The following ARHGEF9 variants were observed in gnomAD, a reference collection of about 807,000 sequenced individuals.
ARHGEF9 encodes rho guanine nucleotide exchange factor 9.
In ARHGEF9, 2 loss-of-function variants were observed where a neutral mutation model predicts 41.3. That is an observed-to-expected ratio of 0.05 (90% CI 0.02 to 0.15). The LOEUF (loss-of-function observed/expected upper bound fraction) is 0.15, where lower values mean the gene tolerates loss of function less well. ARHGEF9 is among the 10% of genes least tolerant of loss of function. The pLI is 1.00. For synonymous variants in ARHGEF9, 160 were observed against 154.4 expected (o/e 1.04, Z -0.27); for missense variants, 225 against 424.7 (o/e 0.53, Z 4.13).
intron 1 of ARHGEF9, among the ~76,000 whole-genome samples, chrX:63,769,182 A>C (rs1175709140): frequency 8.9e-6 from 1 of 112,018 alleles, no homozygotes; most frequent in Non-Finnish European, 1.9e-5. Flanking sequence ...GGTCTCAGAT[A>C]AACATAAGGA....
At chrX:63,778,147 A>C (rs1164272954) in intron 1 of ARHGEF9, among the ~76,000 whole-genome samples, 2 of 112,200 alleles carry the variant, frequency 1.8e-5, no homozygotes, top group Non-Finnish European at 3.8e-5. Flanking sequence ...ATTTCCATAC[A>C]TCCTCTGAAA....
At chrX:63,710,346 T>C (rs1270152989) in intron 2 of ARHGEF9, among the ~76,000 whole-genome samples, 1 of 100,444 alleles carries the variant, frequency 1.0e-5, no homozygotes, top group Non-Finnish European at 2.0e-5. Flanking sequence ...GCTTCACTGG[T>C]GAATTCTACC....
At chrX:63,752,264 C>CT (rs781871921) in intron 1 of ARHGEF9, among the ~76,000 whole-genome samples, 3 of 99,653 alleles carry the variant, frequency 3.0e-5, no homozygotes, top group Non-Finnish European at 4.0e-5. Flanking sequence ...TGGAAGTCAC[C>CT]TAGTGGAGCC....
chrX:63,668,132 C>T (rs1177746468), intron 6 of ARHGEF9, among the ~76,000 whole-genome samples: 1 of 109,958 alleles, frequency 9.1e-6, no homozygotes, highest in Non-Finnish European at 1.9e-5. Context: ...CTCAATTCTA[C>T]ATTTTTTTTT....
intron 1 of ARHGEF9, among the ~76,000 whole-genome samples, chrX:63,757,850 A>G (rs1174469048): frequency 8.9e-6 from 1 of 112,314 alleles, no homozygotes; most frequent in African/African-American, 3.2e-5. Flanking sequence ...GCCTTCCTAT[A>G]TTGCTGAAAA....
chrX:63,722,760 A>G (rs1556414489), intron 2 of ARHGEF9: 1 of 111,731 alleles, frequency 9.0e-6, no homozygotes, highest in Non-Finnish European at 1.9e-5. Flanking sequence ...CACAAGACAT[A>G]CCAGCTGTAT....
chrX:63,668,366 G>A (rs148929072), intron 6 of ARHGEF9, among the ~76,000 whole-genome samples: 2,304 of 110,905 alleles, frequency 0.021, 57 homozygotes, highest in African/African-American at 0.071. Flanking sequence ...TCAAACTCCT[G>A]ACCTCAAGCG....
At chrX:63,754,947 C>CA (rs2055872433) in intron 1 of ARHGEF9, 1 of 937,718 alleles carries the variant, frequency 1.1e-6, no homozygotes, top group African/African-American at 2.1e-5. Flanking sequence ...GGCGCCTGCT[C>CA]AGTCTGTCCG....
chrX:63,717,655 T>C (rs1277447279), intron 2 of ARHGEF9, among the ~76,000 whole-genome samples: 41 of 111,748 alleles, frequency 3.7e-4, no homozygotes, highest in African/African-American at 1.3e-3. Flanking sequence ...CAGGGAAAAA[T>C]GAGGACATTA....
chrX:63,740,955 C>T (rs1220522139), intron 1 of ARHGEF9, among the ~76,000 whole-genome samples: 18 of 112,421 alleles, frequency 1.6e-4, no homozygotes, highest in Admixed American at 6.5e-4. Context: ...CCACCACTAA[C>T]CCAGGAGAGG....
intron 1 of ARHGEF9, among the ~76,000 whole-genome samples, chrX:63,729,194 C>A (rs1278357773): frequency 9.0e-6 from 1 of 111,086 alleles, no homozygotes. Context: ...GCAGGACATG[C>A]AGGTGGGTGG....
intron 4 of ARHGEF9, among the ~76,000 whole-genome samples, chrX:63,690,182 A>G (rs1237765995): frequency 8.9e-6 from 1 of 111,891 alleles, no homozygotes; most frequent in Non-Finnish European, 1.9e-5. Context: ...AGGCTGAAAA[A>G]TACAAAAGAT....
At chrX:63,659,610 G>A (rs1267717868) in intron 7 of ARHGEF9, among the ~76,000 whole-genome samples, 18 of 111,062 alleles carry the variant, frequency 1.6e-4, no homozygotes, top group Non-Finnish European at 2.3e-4. Flanking sequence ...TTTATAGAGG[G>A]GACCCTAGTT....
intron 7 of ARHGEF9, among the ~76,000 whole-genome samples, chrX:63,664,037 G>A (rs1443407429): frequency 6.3e-5 from 7 of 111,800 alleles, no homozygotes; most frequent in Non-Finnish European, 1.3e-4. Flanking sequence ...CCCTTCTGTG[G>A]GAAGCTATGA....
chrX:63,654,078 GT>G (rs782508622), intron 8 of ARHGEF9, among the ~76,000 whole-genome samples: 2,452 of 89,215 alleles, frequency 0.027, 70 homozygotes, highest in African/African-American at 0.091. Flanking sequence ...ATGTTCATGT[GT>G]TTTTTTTTTT....
At chrX:63,759,733 C>T (rs1217293396) in intron 1 of ARHGEF9, among the ~76,000 whole-genome samples, 3 of 112,175 alleles carry the variant, frequency 2.7e-5, no homozygotes, top group African/African-American at 9.7e-5. Context: ...CCTGTACATA[C>T]ATAAACTCTT....
intron 1 of ARHGEF9, among the ~76,000 whole-genome samples, chrX:63,749,961 G>A (rs1328073253): frequency 8.9e-6 from 1 of 112,087 alleles, no homozygotes; most frequent in East Asian, 2.8e-4. Context: ...CTTCATCAAG[G>A]ATTCTTGGAA....
rs781866938 is a variant in ARHGEF9 at position 63,765,575 on chromosome X, T to C, written c.30+19541A>G. The stretch of plus-strand genomic sequence containing the variant: ...AGGGGTAGTGGTGGGGGTGGGGTGG[T>C]TCATCATTCCCATTTTCCAGAAGGG... On this transcript the variant is annotated intron_variant, in intron 1 of 9. Coordinates refer to ENST00000671741, the MANE Select transcript of ARHGEF9 (RefSeq NM_001353921.2). Among the ~76,000 whole-genome samples, 3 of 110,853 alleles carry C rather than the reference T, an allele frequency of 2.7e-5. No homozygotes were observed. In the East Asian group the frequency reaches 8.5e-4, roughly 31 times the overall value.
At chrX:63,682,057 T>C (rs1200802166) in intron 4 of ARHGEF9, among the ~76,000 whole-genome samples, 5 of 109,541 alleles carry the variant, frequency 4.6e-5, no homozygotes, top group Non-Finnish European at 5.7e-5. Context: ...CAAAAGATCA[T>C]AGGACCAGAT....
Sources: gnomAD v4.1 joint callset for allele counts (sites outside exome capture counted in the v4.1 genomes callset) on GRCh38, gnomAD v4.1.1 for gene constraint, MANE v1.5 for transcripts, NCBI Gene and HGNC (gene_info 2026-07-23, HGNC 2026-07-21) for gene names.